F9: variants seen among roughly 807,000 people sequenced by gnomAD.
F9 encodes the protein coagulation factor IX.
F9 carries 2 observed loss-of-function variants against 34.1 expected under a neutral mutation model. That is an observed-to-expected ratio of 0.06 (90% CI 0.02 to 0.18). F9 has a LOEUF of 0.18. Among genes scored for constraint, F9 ranks in the 10% least tolerant of loss-of-function variants. The probability of loss-of-function intolerance (pLI) is 1.00; values close to 1 mark genes in which losing one functional copy is unlikely to be tolerated. For synonymous variants in F9, 137 were observed against 118.8 expected (o/e 1.15, Z -1.00); for missense variants, 216 against 345.1 (o/e 0.63, Z 2.96).
intron 3 of F9, among the ~76,000 whole-genome samples, chrX:139,540,455 C>A (rs191540250): frequency 9.0e-6 from 1 of 111,688 alleles, no homozygotes; most frequent in Non-Finnish European, 1.9e-5. Context: ...CATTTGAAAC[C>A]GAATTTGTAA....
chrX:139,561,803 G>C lies in F9; in HGVS notation c.1118G>C (p.Arg373Thr). ...TCAGCTTTAGTTCTTCAGTACCTTA[G>C]AGTTCCACTTGTTGACCGAGCCACA... ...GRSALVLQYL[R>T]VPLVDRATCL... Residue 373 changes from arginine to threonine, a missense_variant, in exon 8 of 8, where the codon AGA becomes ACA. Physicochemically the swap from Arg to Thr is moderately conservative, Grantham distance 71. Transcript: ENST00000218099. 8.3e-7 allele frequency: 1 copy of C among 1,211,956 alleles called. No individual in the cohort carries two copies. Among genetic ancestry groups the C allele is most frequent in the Non-Finnish European group, 1.1e-6 (1 of 895,578 alleles).
chrX:139,548,881 T>C (rs1927779005), intron 5 of F9, among the ~76,000 whole-genome samples: 1 of 112,222 alleles, frequency 8.9e-6, no homozygotes, highest in Admixed American at 9.5e-5. Context: ...GTTTGAAGCA[T>C]GATTCTATCT....
At chrX:139,532,031 G>T (rs1346760183) in intron 1 of F9, among the ~76,000 whole-genome samples, 1 of 112,075 alleles carries the variant, frequency 8.9e-6, no homozygotes, top group Non-Finnish European at 1.9e-5. Context: ...CTATATAAGT[G>T]GTGAGATGAT....
At chrX:139,543,149 A>T (rs1338702578) in intron 4 of F9, among the ~76,000 whole-genome samples, 1 of 109,237 alleles carries the variant, frequency 9.2e-6, no homozygotes, top group Non-Finnish European at 1.9e-5. Flanking sequence ...TAAGGTCTTG[A>T]AAAAAAGAAA....
At chrX:139,549,007 G>A (rs766070613) in intron 5 of F9, among the ~76,000 whole-genome samples, 1 of 111,340 alleles carries the variant, frequency 9.0e-6, no homozygotes, top group South Asian at 3.8e-4. Context: ...CTGCTAGGCT[G>A]ATCAGCACAA....
At chrX:139,541,845 C>T (rs924569216) in intron 4 of F9, among the ~76,000 whole-genome samples, 1 of 111,987 alleles carries the variant, frequency 8.9e-6, no homozygotes, top group Non-Finnish European at 1.9e-5. Flanking sequence ...CTTTTCTTCT[C>T]AAAGCCTAGA....
At chrX:139,553,834 GT>G (rs1243243541) in intron 6 of F9, among the ~76,000 whole-genome samples, 4 of 57,720 alleles carry the variant, frequency 6.9e-5, no homozygotes, top group Non-Finnish European at 9.8e-5. Flanking sequence ...AAAAAAAAAA[GT>G]CCAAGATTAA....
chrX:139,545,683 T>TC (rs1359643524), intron 4 of F9, among the ~76,000 whole-genome samples: 1 of 110,910 alleles, frequency 9.0e-6, no homozygotes, highest in Admixed American at 9.6e-5. Flanking sequence ...CAAAATAGAA[T>TC]CCAAGAGGAA....
intron 4 of F9, among the ~76,000 whole-genome samples, chrX:139,542,623 A>C (rs1243245779): frequency 1.8e-5 from 2 of 112,182 alleles, no homozygotes; most frequent in Non-Finnish European, 3.8e-5. Context: ...TTACAACTGA[A>C]GGGCACATTG....
chrX:139,562,858 A>AAT lies in F9; in HGVS notation c.*797_*798dup, dbSNP rs1449088874. 3.0e-5 allele frequency: 3 copies of AAT among 100,217 alleles called. No homozygotes were observed. Among genetic ancestry groups the AAT allele is most frequent in the Admixed American group, 1.1e-4 (1 of 8,961 alleles). 8.3% of individuals were successfully genotyped at this position (100,217 alleles called of 1,213,427 possible). ...GAGAGTTAAGTTATTTTATATATAT[A>AAT]ATATATATATAAAATATATAATATA... On this transcript the variant is annotated 3_prime_UTR_variant, in exon 8 of 8. Transcript: ENST00000218099.
Position 139,562,650 on chromosome X carries a change from C to CCT in F9, c.*585_*586dup, listed in dbSNP as rs1324456247. 8.9e-6 allele frequency: 1 copy of CCT among 112,004 alleles called. No individual in the cohort carries two copies. The highest frequency in any genetic ancestry group is 1.8e-5 in the Non-Finnish European group (1 of 54,167). 9.2% of individuals were successfully genotyped at this position (112,004 alleles called of 1,213,427 possible). ...AAATCAGTTTTTCTCTTTCTTACTC[C>CCT]CTCTCTCCCTTTTACCCTCCATGGT... On this transcript the variant is annotated 3_prime_UTR_variant, in exon 8 of 8. Transcript: ENST00000218099.
chrX:139,558,339 G>A (rs1757895589), intron 6 of F9, among the ~76,000 whole-genome samples: 1 of 113,457 alleles, frequency 8.8e-6, no homozygotes, highest in African/African-American at 3.2e-5. Context: ...GATTGCCACA[G>A]TAGGCCAGTG....
Position 139,556,988 on chromosome X carries a change from G to A in F9, c.724-3753G>A, listed in dbSNP as rs4149728. 4.9e-3 allele frequency among the ~76,000 whole-genome samples: 545 copies of A among 112,338 alleles called. 3 individuals carry two copies. The highest frequency in any genetic ancestry group is 0.016 in the African/African-American group (507 of 30,939). On this transcript the variant is annotated intron_variant, in intron 6 of 7. Transcript: ENST00000218099. ...TTACGTTGGAGTTAAAGGTTAGGAA[G>A]AAAACCAAAGGGTAAGAGCTGTTGT... is the stretch of plus-strand genomic sequence containing the variant.
chrX:139,557,793 G>A (rs751559213), intron 6 of F9, among the ~76,000 whole-genome samples: 14 of 112,802 alleles, frequency 1.2e-4, no homozygotes, highest in Non-Finnish European at 2.4e-4. Context: ...GCGTACTTAC[G>A]CAGGGCTTTG....
chrX:139,530,772 G>A lies in F9; in HGVS notation c.8G>A (p.Arg3His), dbSNP rs148060786. 185 of 1,208,214 alleles carry A rather than the reference G, an allele frequency of 1.5e-4. 2 individuals carry two copies. The highest frequency in any genetic ancestry group is 1.4e-3 in the African/African-American group (78 of 57,381). MQ[R>H]VNMIMAESPG... The stretch of plus-strand genomic sequence containing the variant: ...AATCTGCTAGCAAAGGTTATGCAGC[G>A]CGTGAACATGATCATGGCAGAATCA... The change falls in exon 1 of 8, where the codon CGC becomes CAC. Residue 3 changes from arginine (R) to histidine (H), a missense_variant. Physicochemically the swap from Arg to His is conservative, Grantham distance 29. Transcript: ENST00000218099.
rs1190598825 is a variant in F9, at chrX:139,563,317, T to C, written c.*1246T>C. ...GCATAAGTCATTCCAATCAGCCAAC[T>C]AAGTTGTCCTTTTCTGGTTTCGTGT... On this transcript the variant is annotated 3_prime_UTR_variant, in exon 8 of 8. Coordinates refer to ENST00000218099, the MANE Select transcript of F9 (RefSeq NM_000133.4). 3 of 111,621 alleles carry C rather than the reference T, an allele frequency of 2.7e-5. No individual in the cohort carries two copies. Among genetic ancestry groups the C allele is most frequent in the Non-Finnish European group, 5.6e-5 (3 of 53,133 alleles). 9.2% of individuals were successfully genotyped at this position (111,621 alleles called of 1,213,427 possible). A position where few individuals can be genotyped will look rare whatever the true frequency, so the allele number is the denominator to read the frequency against.
intron 4 of F9, chrX:139,545,016 A>G (rs185554792): frequency 3.6e-5 from 4 of 112,018 alleles, no homozygotes; most frequent in Non-Finnish European, 5.6e-5. Context: ...AAAGACACAT[A>G]GTGCAGCTAT....
chrX:139,533,922 T>G, intron 1 of F9, among the ~76,000 whole-genome samples: 1 of 111,893 alleles, frequency 8.9e-6, no homozygotes, highest in Non-Finnish European at 1.9e-5. Context: ...GAACAGGAGT[T>G]AATCAATTCA....
chrX:139,562,065 C>A lies in F9; in HGVS notation c.1380C>A (p.Leu460=). ...YVNWIKEKTK[L]T ...ACTGGATTAAGGAAAAAACAAAGCTCACTTAATGAAAGATGGATTTCCAAG... is the reference window on the plus strand; with the variant it reads ...ACTGGATTAAGGAAAAAACAAAGCTAACTTAATGAAAGATGGATTTCCAAG... The change falls in exon 8 of 8, where the codon CTC becomes CTA. Residue 460 remains leucine (L), a synonymous_variant. Transcript: ENST00000218099. 8.3e-7 allele frequency: 1 copy of A among 1,209,354 alleles called. No individual in the cohort carries two copies. The highest frequency in any genetic ancestry group is 1.1e-6 in the Non-Finnish European group (1 of 893,480).
Sources: allele counts gnomAD v4.1 joint callset (sites outside exome capture counted in the v4.1 genomes callset), GRCh38; gene constraint gnomAD v4.1.1; transcripts MANE v1.5; gene names NCBI Gene and HGNC (gene_info 2026-07-23, HGNC 2026-07-21).